The following TYW1 variants were observed in gnomAD, a reference collection of about 807,000 sequenced individuals.
TYW1 encodes tRNA-yW synthesizing protein 1 homolog.
TYW1 carries 46 observed loss-of-function variants against 96.2 expected under a neutral mutation model. The observed-to-expected ratio is 0.48, with a 90% CI of 0.38 to 0.61. The LOEUF is 0.61. Among genes scored for constraint, TYW1 ranks in the 20% least tolerant of loss-of-function variants. The pLI is 0.00. For synonymous variants in TYW1, 274 were observed against 323.0 expected (o/e 0.85, Z 1.63); for missense variants, 684 against 909.6 (o/e 0.75, Z 3.19).
intron 6 of TYW1, among the ~76,000 whole-genome samples, chr7:67,019,386 T>TG (rs1434824569): frequency 9.7e-6 from 1 of 103,372 alleles, no homozygotes; most frequent in Non-Finnish European, 2.2e-5. Flanking sequence ...TTAATAGAGA[T>TG]GGGGTTTCAT....
intron 15 of TYW1, among the ~76,000 whole-genome samples, chr7:67,212,131 A>T (rs1801052821): frequency 6.6e-6 from 1 of 152,152 alleles, no homozygotes; most frequent in Non-Finnish European, 1.5e-5. Flanking sequence ...CCCTCCCGCC[A>T]AACTTGGAAC....
intron 13 of TYW1, among the ~76,000 whole-genome samples, chr7:67,146,469 G>A (rs58565021): frequency 0.21 from 27,814 of 133,542 alleles, 3,520 homozygotes; most frequent in African/African-American, 0.31. Context: ...TAGGAGAGAT[G>A]AAAAATAAAA....
intron 7 of TYW1, among the ~76,000 whole-genome samples, chr7:67,042,780 T>C (rs952400025): frequency 2.0e-5 from 3 of 152,096 alleles, no homozygotes; most frequent in Non-Finnish European, 4.4e-5. Context: ...GTGGATCACC[T>C]GAGGTCTGGA....
chr7:67,177,829 G>A (rs1280237902), intron 13 of TYW1, among the ~76,000 whole-genome samples: 2 of 151,824 alleles, frequency 1.3e-5, no homozygotes, highest in African/African-American at 2.4e-5. Flanking sequence ...TATTTAGGTA[G>A]ATCCTAGAAA....
intron 9 of TYW1, among the ~76,000 whole-genome samples, chr7:67,057,696 G>C (rs1584509964): frequency 6.6e-6 from 1 of 152,070 alleles, no homozygotes. Context: ...TGTGCGTATT[G>C]GCTGTTTATA....
chr7:67,172,301 G>T (rs567453184), intron 13 of TYW1, among the ~76,000 whole-genome samples: 13 of 151,632 alleles, frequency 8.6e-5, no homozygotes, highest in African/African-American at 2.7e-4. Flanking sequence ...GTAAATTAAC[G>T]TTTATATCAT....
chr7:67,009,314 T>G (rs1271885215), intron 3 of TYW1, among the ~76,000 whole-genome samples: 1 of 152,170 alleles, frequency 6.6e-6, no homozygotes, highest in Non-Finnish European at 1.5e-5. Flanking sequence ...TTTACTCTAG[T>G]AGGGCAAGGC....
At chr7:67,002,179 A>G (rs539948842) in intron 3 of TYW1, among the ~76,000 whole-genome samples, 18 of 151,420 alleles carry the variant, frequency 1.2e-4, no homozygotes, top group Admixed American at 8.6e-4. Flanking sequence ...TCCTGGGTAG[A>G]TGGGAATATG....
At chr7:67,228,288 C>T (rs75007971) in intron 15 of TYW1, among the ~76,000 whole-genome samples, 39 of 152,264 alleles carry the variant, frequency 2.6e-4, no homozygotes, top group South Asian at 1.2e-3. Context: ...GTGAAAGTCA[C>T]GTCTCACATG....
chr7:67,030,460 T>C (rs1445630317), intron 7 of TYW1, among the ~76,000 whole-genome samples: 2 of 151,830 alleles, frequency 1.3e-5, no homozygotes, highest in Non-Finnish European at 2.9e-5. Context: ...TGAAACCCCA[T>C]CTCTATTAAA....
intron 10 of TYW1, among the ~76,000 whole-genome samples, chr7:67,078,041 T>C (rs1796258592): frequency 6.6e-6 from 1 of 152,194 alleles, no homozygotes; most frequent in Non-Finnish European, 1.5e-5. Flanking sequence ...TCTGTTCTTA[T>C]GTCAATACCA....
chr7:67,120,761 AT>A (rs1387692297), intron 13 of TYW1, among the ~76,000 whole-genome samples: 1 of 152,208 alleles, frequency 6.6e-6, no homozygotes, highest in East Asian at 1.9e-4. Context: ...TTTGGTCAAA[AT>A]GTTCCAAAAA....
intron 10 of TYW1, among the ~76,000 whole-genome samples, chr7:67,068,742 T>A (rs1374703348): frequency 7.2e-5 from 11 of 152,234 alleles, no homozygotes; most frequent in Non-Finnish European, 1.3e-4. Context: ...GTCTCTTTTC[T>A]GAGTTTTCCT....
At position 67,230,652 on chromosome 7, in the gene TYW1, C is replaced by CTTTTTTTTTTTTTTT. The variant is rs34585182; in HGVS notation, c.1978-7652_1978-7638dup. Among the ~76,000 whole-genome samples the CTTTTTTTTTTTTTTT allele has an allele frequency of 3.4e-4, 41 of 119,540 alleles. 3 individuals are homozygous for CTTTTTTTTTTTTTTT. Among genetic ancestry groups the CTTTTTTTTTTTTTTT allele is most frequent in the Non-Finnish European group, 5.6e-4 (33 of 59,426 alleles). 78.4% of individuals were successfully genotyped at this position (119,540 alleles called of 152,430 possible). On this transcript the variant is annotated intron_variant, in intron 15 of 15. Transcript: ENST00000359626. ...CAACCCACCATTTTGCTTATTATCT[C>CTTTTTTTTTTTTTTT]TTTTTTTTTTTTTTTTTTGAGGCGG...
rs1793715272 is a variant in TYW1 at position 67,009,479 on chromosome 7, A to G, written c.274-104A>G. On this transcript the variant is annotated intron_variant, in intron 3 of 15. Coordinates refer to ENST00000359626, the MANE Select transcript of TYW1 (RefSeq NM_018264.4). Reference sequence around the variant, plus strand: ...ATGAAGATACATATCAGTCACTGAAAATATTTTTCATGAGGAATGCCACAT... The same window carrying G: ...ATGAAGATACATATCAGTCACTGAAGATATTTTTCATGAGGAATGCCACAT... 17 of 991,758 alleles carry G rather than the reference A, an allele frequency of 1.7e-5. No individual in the cohort carries two copies. The South Asian group carries it at 2.5e-4, about 15-fold the overall frequency. The allele number at this position is 991,758 out of a possible 1,614,324, so 61.4% of individuals were successfully genotyped here. A position where few individuals can be genotyped will look rare whatever the true frequency, so the allele number is the denominator to read the frequency against.
At chr7:67,090,471 G>C in intron 11 of TYW1, among the ~76,000 whole-genome samples, 1 of 152,138 alleles carries the variant, frequency 6.6e-6, no homozygotes, top group Non-Finnish European at 1.5e-5. Context: ...TTAAGTTCTG[G>C]CTTTGTCATC....
At chr7:67,075,982 C>T (rs1796190292) in intron 10 of TYW1, among the ~76,000 whole-genome samples, 1 of 152,200 alleles carries the variant, frequency 6.6e-6, no homozygotes, top group South Asian at 2.1e-4. Flanking sequence ...GTTCTTAGCT[C>T]CCACAATTTA....
At chr7:67,116,368 C>T (rs1254222099) in intron 12 of TYW1, among the ~76,000 whole-genome samples, 8 of 150,702 alleles carry the variant, frequency 5.3e-5, no homozygotes, top group African/African-American at 2.0e-4. Flanking sequence ...AAAGTATAGT[C>T]TAGGTTTAAT....
At chr7:67,082,525 C>G (rs1268225945) in intron 10 of TYW1, among the ~76,000 whole-genome samples, 3 of 152,116 alleles carry the variant, frequency 2.0e-5, no homozygotes, top group Non-Finnish European at 2.9e-5. Flanking sequence ...GGAGCTTGTG[C>G]TATTTCTGGC....
Sources: gnomAD v4.1 joint callset for allele counts (sites outside exome capture counted in the v4.1 genomes callset) on GRCh38, gnomAD v4.1.1 for gene constraint, MANE v1.5 for transcripts, NCBI Gene and HGNC (gene_info 2026-07-23, HGNC 2026-07-21) for gene names.